Variants in PLD5 observed in about 807,000 individuals in gnomAD.
PLD5 encodes inactive phospholipase D5.
In PLD5, 36 loss-of-function variants were observed where a neutral mutation model predicts 61.1. That is an observed-to-expected ratio of 0.59 (90% CI 0.45 to 0.78). PLD5 has a LOEUF of 0.78. PLD5 is among the 30% of genes least tolerant of loss of function. The probability of loss-of-function intolerance (pLI) is 0.00; values close to 1 mark genes in which losing one functional copy is unlikely to be tolerated. For missense variants in PLD5, 515 were observed against 644.4 expected (o/e 0.80, Z 2.17); for synonymous variants, 243 against 242.8 (o/e 1.00, Z -0.01).
upstream of PLD5, among the ~76,000 whole-genome samples, chr1:242,527,114 C>CTTTTTTTTTTTTT (rs530334746): frequency 3.5e-3 from 252 of 71,946 alleles, 31 homozygotes; most frequent in Non-Finnish European, 4.5e-3. Flanking sequence ...CTATCTCCTT[C>CTTTTTTTTTTTTT]TTTTTTTTTT....
Position 242,438,436 on chromosome 1 carries a change from TTTC to T in PLD5, c.189+85649_189+85651del, listed in dbSNP as rs1191684181. On this transcript the variant is annotated intron_variant, in intron 1 of 9. Coordinates refer to ENST00000536534, the MANE Select transcript of PLD5 (RefSeq NM_001372062.1). Reference sequence around the variant, plus strand: ...GAGCTGCCATGCCTGGCTAATTTTTTTTCTTTTTTTTTTTTTTTTTTTTTTGAG... The same window carrying T: ...GAGCTGCCATGCCTGGCTAATTTTTTTTTTTTTTTTTTTTTTTTTTTTGAG... Among the ~76,000 whole-genome samples, 29 of 143,444 alleles carry T rather than the reference TTTC, an allele frequency of 2.0e-4. No homozygotes were observed. The South Asian group carries it at 5.4e-3, about 27-fold the overall frequency. 94.1% of individuals were successfully genotyped at this position (143,444 alleles called of 152,430 possible).
intron 4 of PLD5, among the ~76,000 whole-genome samples, chr1:242,242,066 A>T (rs868362892): frequency 6.1e-5 from 9 of 148,104 alleles, no homozygotes; most frequent in African/African-American, 2.0e-4. Flanking sequence ...GGAGAGAAGG[A>T]TGTGGAGAAT....
intron 1 of PLD5, among the ~76,000 whole-genome samples, chr1:242,513,269 C>T (rs1668995593): frequency 6.6e-6 from 1 of 152,210 alleles, no homozygotes; most frequent in Non-Finnish European, 1.5e-5. Flanking sequence ...AGGGTCTAAG[C>T]CCTGTCTCAC....
chr1:242,100,755 C>T lies in PLD5; in HGVS notation c.1267G>A (p.Ala423Thr), dbSNP rs1360730839. The T allele has an allele frequency of 8.1e-6, 13 of 1,613,416 alleles. No homozygotes were observed. The highest frequency in any genetic ancestry group is 1.1e-5 in the Non-Finnish European group (13 of 1,179,746). Reference protein sequence around the residue: ...VKFFDLERENACATKEQKNHT... With the variant: ...VKFFDLERENTCATKEQKNHT... The stretch of plus-strand genomic sequence containing the variant: ...TTCTTTTGTTCTTTTGTAGCACAAG[C>T]ATTCTCTCTTTCCAGATCAAAAAAT... The change falls in exon 9 of 10, where the codon GCT becomes ACT. Residue 423 changes from alanine (A) to threonine (T), a missense_variant. Coordinates refer to ENST00000536534, the MANE Select transcript of PLD5 (RefSeq NM_001372062.1).
intron 5 of PLD5, among the ~76,000 whole-genome samples, chr1:242,172,027 C>A (rs2164421): frequency 6.6e-6 from 1 of 151,994 alleles, no homozygotes; most frequent in Non-Finnish European, 1.5e-5. Context: ...TAACTCCAAG[C>A]GGACCTAATA....
At chr1:242,139,271 CT>C (rs1009634036) in intron 5 of PLD5, among the ~76,000 whole-genome samples, 2 of 151,196 alleles carry the variant, frequency 1.3e-5, no homozygotes, top group Admixed American at 6.6e-5. Flanking sequence ...TTTAATTTTT[CT>C]TTTTCAATTA....
intron 9 of PLD5, among the ~76,000 whole-genome samples, chr1:242,093,275 C>G (rs1659979325): frequency 6.6e-6 from 1 of 152,106 alleles, no homozygotes; most frequent in Non-Finnish European, 1.5e-5. Context: ...GGATTAGTAG[C>G]TCCCGTGGGT....
At chr1:242,170,945 G>A (rs1473509151) in intron 5 of PLD5, among the ~76,000 whole-genome samples, 1 of 152,188 alleles carries the variant, frequency 6.6e-6, no homozygotes, top group Non-Finnish European at 1.5e-5. Context: ...CAGGGAGAAT[G>A]GAACCAAGCT....
intron 4 of PLD5, among the ~76,000 whole-genome samples, chr1:242,259,427 G>T: frequency 6.6e-6 from 1 of 152,094 alleles, no homozygotes; most frequent in Non-Finnish European, 1.5e-5. Context: ...AATATTTTGA[G>T]AAACACAGCC....
chr1:242,268,090 C>T (rs1434072103), intron 3 of PLD5, among the ~76,000 whole-genome samples: 1 of 152,066 alleles, frequency 6.6e-6, no homozygotes, highest in Non-Finnish European at 1.5e-5. Flanking sequence ...GGAGAATCCA[C>T]GTCAAGGGGC....
intron 1 of PLD5, among the ~76,000 whole-genome samples, chr1:242,357,800 T>G (rs1006779058): frequency 2.0e-5 from 3 of 152,168 alleles, no homozygotes; most frequent in Non-Finnish European, 2.9e-5. Flanking sequence ...AATGACTTTT[T>G]GATCCAATAT....
At chr1:242,185,615 G>A (rs1281194798) in intron 5 of PLD5, among the ~76,000 whole-genome samples, 1 of 151,832 alleles carries the variant, frequency 6.6e-6, no homozygotes, top group Non-Finnish European at 1.5e-5. Flanking sequence ...AAGGGAAACT[G>A]TTTATTTGTT....
At chr1:242,333,618 T>C (rs1659325663) in intron 2 of PLD5, among the ~76,000 whole-genome samples, 1 of 152,162 alleles carries the variant, frequency 6.6e-6, no homozygotes. Flanking sequence ...GGTTCAATGG[T>C]AATAAACCCA....
At chr1:242,174,841 C>G (rs541239652) in intron 5 of PLD5, among the ~76,000 whole-genome samples, 1 of 151,904 alleles carries the variant, frequency 6.6e-6, no homozygotes, top group Admixed American at 6.6e-5. Context: ...TAGGTGGGAA[C>G]TGAACAATGA....
At chr1:242,259,047 A>G (rs1373110224) in intron 4 of PLD5, among the ~76,000 whole-genome samples, 1 of 152,244 alleles carries the variant, frequency 6.6e-6, no homozygotes, top group Non-Finnish European at 1.5e-5. Context: ...TCAAGAAGCA[A>G]TTGTTGGATT....
chr1:242,236,367 G>A (rs2149048503), intron 4 of PLD5, among the ~76,000 whole-genome samples: 1 of 152,244 alleles, frequency 6.6e-6, no homozygotes, highest in South Asian at 2.1e-4. Flanking sequence ...CAGAAACTAT[G>A]ACCTATCCTG....
intron 1 of PLD5, among the ~76,000 whole-genome samples, chr1:242,481,037 T>A (rs935995272): frequency 6.6e-6 from 1 of 152,164 alleles, no homozygotes; most frequent in Non-Finnish European, 1.5e-5. Context: ...TTTTAACCTA[T>A]GAGAAATTAA....
At chr1:242,415,438 T>G (rs768263600) in intron 1 of PLD5, among the ~76,000 whole-genome samples, 4 of 151,238 alleles carry the variant, frequency 2.6e-5, no homozygotes, top group Non-Finnish European at 5.9e-5. Context: ...TTCATTGGCC[T>G]CCCCATTCCA....
In PLD5 at chr1:242,483,848, C is replaced by T. The variant is rs537527382; in HGVS notation, c.189+40240G>A. Among the ~76,000 whole-genome samples, 1,454 of 151,026 alleles carry T rather than the reference C, an allele frequency of 9.6e-3. 29 individuals carry two copies. The highest frequency in any genetic ancestry group is 0.034 in the African/African-American group (1,389 of 40,388). On this transcript the variant is annotated intron_variant, in intron 1 of 9. Coordinates refer to ENST00000536534, the MANE Select transcript of PLD5 (RefSeq NM_001372062.1). ...AGCAAATGTAAAAGAACAGAAATTA[C>T]AACAAACTGTCTCTCAGACCACAGT...
Sources: allele counts gnomAD v4.1 joint callset (sites outside exome capture counted in the v4.1 genomes callset), GRCh38; gene constraint gnomAD v4.1.1; transcripts MANE v1.5; gene names NCBI Gene and HGNC (gene_info 2026-07-23, HGNC 2026-07-21).